PROK1: variants seen among roughly 807,000 people sequenced by gnomAD.
The protein encoded by PROK1 is prokineticin 1, also known as prokineticin-1.
Under a neutral mutation model 8.8 loss-of-function variants are expected in PROK1, and 10 were observed. That is an observed-to-expected ratio of 1.13 (90% confidence interval 0.70 to 1.92). The LOEUF (loss-of-function observed/expected upper bound fraction) is 1.92. Ranked by LOEUF, PROK1 falls within the 30% of genes most tolerant of loss-of-function variation. The probability of loss-of-function intolerance (pLI) is 0.00; values close to 1 mark genes in which losing one functional copy is unlikely to be tolerated. For synonymous variants in PROK1, 57 were observed against 56.0 expected, an observed-to-expected ratio of 1.02 and a Z score of -0.08; for missense variants, 140 against 139.7, an observed-to-expected ratio of 1.00 and a Z score of -0.01.
intron 2 of PROK1, among the ~76,000 whole-genome samples, chr1:110,455,575 C>T (rs1175546107): frequency 1.3e-5 from 2 of 152,242 alleles, no homozygotes; most frequent in Non-Finnish European, 2.9e-5. Context: ...TGAGTGCTTC[C>T]TGTATGCCAC....
At chr1:110,453,841 G>C (rs1557936221) in intron 1 of PROK1, 120 bp from the exon 2 acceptor site, 1 of 1,355,230 alleles carries the variant, frequency 7.4e-7, no homozygotes, top group African/African-American at 1.4e-5. Context: ...GCTAAGGCCG[G>C]GGGTGATACT....
intron 2 of PROK1, among the ~76,000 whole-genome samples, chr1:110,454,927 C>T (rs987526787): frequency 6.6e-6 from 1 of 152,208 alleles, no homozygotes; most frequent in African/African-American, 2.4e-5. Flanking sequence ...GAGGTGCCCA[C>T]TTTAAGAAGT....
At position 110,456,306 on chromosome 1, in the gene PROK1, C is replaced by A. The variant is rs745347535; in HGVS notation, c.273C>A (p.Asp91Glu). ...LPNLLCSRFP[D>E]GRYRCSMDLK... ...ACCTGCTGTGCTCCAGGTTCCCGGA[C>A]GGCAGGTACCGCTGCTCCATGGACT... Residue 91 changes from aspartate to glutamate, a missense_variant, in exon 3 of 3, where the codon GAC (aspartate) becomes GAA (glutamate). Physicochemically the swap from Asp to Glu is conservative, Grantham distance 45. Transcript: ENST00000271331. 11 of 1,613,966 alleles carry A rather than the reference C, an allele frequency of 6.8e-6. No homozygotes were observed. Among genetic ancestry groups the A allele is most frequent in the Admixed American group, 5.0e-5 (3 of 60,008 alleles).
At chr1:110,453,252 G>C (rs985757488) in intron 1 of PROK1, among the ~76,000 whole-genome samples, 1 of 152,176 alleles carries the variant, frequency 6.6e-6, no homozygotes, top group Non-Finnish European at 1.5e-5. Flanking sequence ...TGTCTTCCCC[G>C]GCTCTGGCTT....
At position 110,456,783 on chromosome 1, in the gene PROK1, C is replaced by G. The variant is rs1197697433; in HGVS notation, c.*432C>G. On this transcript the variant is annotated 3_prime_UTR_variant, in exon 3 of 3. Coordinates refer to ENST00000271331, the MANE Select transcript of PROK1 (RefSeq NM_032414.3). ...CAGAGTCCCAGGTCCTGGCCTGACCCTCAGGCCCTTCACGTGAGGTCTGTG... is the reference window on the plus strand; with the variant it reads ...CAGAGTCCCAGGTCCTGGCCTGACCGTCAGGCCCTTCACGTGAGGTCTGTG... The G allele has an allele frequency of 3.4e-6, 1 of 289,964 alleles. No individual in the cohort carries two copies. The highest frequency in any genetic ancestry group is 6.8e-6 in the Non-Finnish European group (1 of 147,792). The allele number at this position is 289,964 out of a possible 1,614,324, so 18.0% of individuals were successfully genotyped here. A position where few individuals can be genotyped will look rare whatever the true frequency, so the allele number is the denominator to read the frequency against.
intron 2 of PROK1, among the ~76,000 whole-genome samples, chr1:110,455,388 C>T (rs1013249829): frequency 1.3e-4 from 20 of 152,228 alleles, no homozygotes; most frequent in Non-Finnish European, 2.9e-5. Flanking sequence ...CGTCCTCCAG[C>T]GGTTTCTCTC....
chr1:110,452,904 C>A (rs1276574521), intron 1 of PROK1, among the ~76,000 whole-genome samples: 1 of 152,224 alleles, frequency 6.6e-6, no homozygotes, highest in Non-Finnish European at 1.5e-5. Flanking sequence ...TTCCTTTACC[C>A]CAACCCCAAG....
At position 110,451,295 on chromosome 1, in the gene PROK1, C is replaced by G. The variant is rs369662408; in HGVS notation, c.72+7C>G. The G allele has an allele frequency of 6.2e-7, 1 of 1,613,336 alleles. No homozygotes were observed. The highest frequency in any genetic ancestry group is 1.1e-5 in the South Asian group (1 of 91,048). ...CTGTGCTGTGATCACAGGGGTAAGTCGCCTAACATTCTCTGTGCCTTGGGT... is the reference window on the plus strand; with the variant it reads ...CTGTGCTGTGATCACAGGGGTAAGTGGCCTAACATTCTCTGTGCCTTGGGT... On this transcript the variant is annotated splice_region_variant and intron_variant, in intron 1 of 2. Transcript: ENST00000271331.
chr1:110,451,249 C>G lies in PROK1; in HGVS notation c.33C>G (p.Leu11=), dbSNP rs372328778. The change falls in exon 1 of 3, where the codon CTC becomes CTG. Residue 11 remains leucine, a synonymous_variant. Coordinates refer to ENST00000271331, the MANE Select transcript of PROK1 (RefSeq NM_032414.3). The part of the protein sequence containing the change: MRGATRVSIM[L]LLVTVSDCAV... The stretch of plus-strand genomic sequence containing the variant: ...GTGCCACGCGAGTCTCAATCATGCT[C>G]CTCCTAGTAACTGTGTCTGACTGTG... The G allele has an allele frequency of 6.2e-7, 1 of 1,614,054 alleles. No homozygotes were observed. Among genetic ancestry groups the G allele is most frequent in the African/African-American group, 1.3e-5 (1 of 74,920 alleles).
intron 2 of PROK1, among the ~76,000 whole-genome samples, chr1:110,454,497 A>T (rs186502452): frequency 1.7e-3 from 257 of 152,346 alleles, no homozygotes; most frequent in Non-Finnish European, 1.2e-3. Flanking sequence ...GACATACAGC[A>T]AAGTCATGTG....
chr1:110,454,621 G>T (rs1029515910), intron 2 of PROK1, among the ~76,000 whole-genome samples: 4 of 152,156 alleles, frequency 2.6e-5, no homozygotes, highest in African/African-American at 9.7e-5. Context: ...TGTTTTTGGG[G>T]GGCAGCCTCA....
In PROK1 at chr1:110,456,427, C is replaced by G; in HGVS notation, c.*76C>G. On this transcript the variant is annotated 3_prime_UTR_variant, in exon 3 of 3. Coordinates refer to ENST00000271331, the MANE Select transcript of PROK1 (RefSeq NM_032414.3). ...GGATTTTTATTTCTGCCATGAAACC[C>G]AGCTCCCATGACTCTCCCAGTCCCT... The G allele has an allele frequency of 6.3e-7, 1 of 1,583,844 alleles. No homozygotes were observed. Among genetic ancestry groups the G allele is most frequent in the South Asian group, 1.1e-5 (1 of 90,164 alleles).
rs1255255326 is a variant in PROK1 at position 110,453,991 on chromosome 1, G to A, written c.103G>A (p.Gly35Ser). Residue 35 changes from glycine (G) to serine (S), a missense_variant, in exon 2 of 3, where the codon GGC becomes AGC. Coordinates refer to ENST00000271331, the MANE Select transcript of PROK1 (RefSeq NM_032414.3). ...ACERDVQCGA[G>S]TCCAISLWLR... ...TGAGCGGGATGTCCAGTGTGGGGCA[G>A]GCACCTGCTGTGCCATCAGCCTGTG... 2 of 1,614,254 alleles carry A rather than the reference G, an allele frequency of 1.2e-6. No homozygotes were observed. The highest frequency in any genetic ancestry group is 2.2e-5 in the East Asian group (1 of 44,884).
Position 110,451,243 on chromosome 1 carries a change from C to G in PROK1, c.27C>G (p.Ile9Met), listed in dbSNP as rs775116623. 1.2e-6 allele frequency: 2 copies of G among 1,614,068 alleles called. No homozygotes were observed. Among genetic ancestry groups the G allele is most frequent in the South Asian group, 2.2e-5 (2 of 91,088 alleles). MRGATRVS[I>M]MLLLVTVSDC... ...TGAGAGGTGCCACGCGAGTCTCAAT[C>G]ATGCTCCTCCTAGTAACTGTGTCTG... Residue 9 changes from isoleucine (I) to methionine (M), a missense_variant, in exon 1 of 3, where the codon ATC (isoleucine) becomes ATG (methionine). By Grantham distance (10) the Ile-to-Met change is conservative. Coordinates refer to ENST00000271331, the MANE Select transcript of PROK1 (RefSeq NM_032414.3).
In PROK1 at chr1:110,456,455, A is replaced by G. The variant is rs544312493; in HGVS notation, c.*104A>G. On this transcript the variant is annotated 3_prime_UTR_variant, in exon 3 of 3. Transcript: ENST00000271331. ...CTCCCATGACTCTCCCAGTCCCTAC[A>G]CTGACTACCCTGATCTCTCTTGTCT... 2 of 1,396,486 alleles carry G rather than the reference A, an allele frequency of 1.4e-6. No homozygotes were observed. Among genetic ancestry groups the G allele is most frequent in the East Asian group, 2.3e-5 (1 of 43,736 alleles). The allele number at this position is 1,396,486 out of a possible 1,614,324, so 86.5% of individuals were successfully genotyped here.
chr1:110,456,394 C>T lies in PROK1; in HGVS notation c.*43C>T. 6.2e-7 allele frequency: 1 copy of T among 1,611,422 alleles called. No homozygotes were observed. Among genetic ancestry groups the T allele is most frequent in the Non-Finnish European group, 8.5e-7 (1 of 1,179,544 alleles). ...GGATACCCACCATCCTTTTCCTGAG[C>T]ACAGCCTGGATTTTTATTTCTGCCA... On this transcript the variant is annotated 3_prime_UTR_variant, in exon 3 of 3. Transcript: ENST00000271331.
At chr1:110,453,818 G>C (rs1474067870) in intron 1 of PROK1, 143 bp from the exon 2 acceptor site, 4 of 1,077,308 alleles carry the variant, frequency 3.7e-6, no homozygotes, top group South Asian at 2.6e-5. Flanking sequence ...TGTGGCCCAG[G>C]GTGTTCTGTT....
chr1:110,453,981 G>A lies in PROK1; in HGVS notation c.93G>A (p.Gln31=), dbSNP rs745897801. Residue 31 remains glutamine (Q), a synonymous_variant, in exon 2 of 3, where the codon CAG becomes CAA. Transcript: ENST00000271331. The part of the protein sequence containing the change: ...VITGACERDV[Q]CGAGTCCAIS... ...TACAGGCCTGTGAGCGGGATGTCCA[G>A]TGTGGGGCAGGCACCTGCTGTGCCA... The A allele has an allele frequency of 1.9e-6, 3 of 1,614,232 alleles. No homozygotes were observed. The highest frequency in any genetic ancestry group is 1.7e-5 in the Admixed American group (1 of 60,034).
chr1:110,456,622 G>T lies in PROK1; in HGVS notation c.*271G>T, dbSNP rs552321191. ...TCCCTGCTCAGGCTGCCAGAGAGGT[G>T]GTAAATGGCAGAAAGGACATTCCCC... On this transcript the variant is annotated 3_prime_UTR_variant, in exon 3 of 3. Transcript: ENST00000271331. The T allele has an allele frequency of 7.2e-4, 351 of 484,602 alleles. 7 individuals are homozygous for T. Among genetic ancestry groups the T allele is most frequent in the South Asian group, 6.8e-3 (335 of 49,130 alleles). The allele number at this position is 484,602 out of a possible 1,614,324, so 30.0% of individuals were successfully genotyped here.
Sources: gnomAD v4.1 joint callset for allele counts (sites outside exome capture counted in the v4.1 genomes callset) on GRCh38, gnomAD v4.1.1 for gene constraint, MANE v1.5 for transcripts, NCBI Gene and HGNC (gene_info 2026-07-23, HGNC 2026-07-21) for gene names.